IVD: variants seen among roughly 807,000 people sequenced by gnomAD.
IVD encodes the protein isovaleryl-CoA dehydrogenase.
A neutral mutation model predicts 51.3 loss-of-function variants in IVD; 31 were observed. That is an observed-to-expected ratio of 0.60 (90% confidence interval 0.45 to 0.81). The LOEUF (loss-of-function observed/expected upper bound fraction) is 0.81. IVD is among the 40% of genes least tolerant of loss of function. IVD has a pLI of 0.00. For synonymous variants in IVD, 205 were observed against 219.4 expected, an observed-to-expected ratio of 0.93 and a Z score of 0.58; for missense variants, 475 against 552.0, an observed-to-expected ratio of 0.86 and a Z score of 1.40.
At position 40,405,871 on chromosome 15, in the gene IVD, G is replaced by C. The variant is rs907414760; in HGVS notation, c.44G>C (p.Trp15Ser). The C allele has an allele frequency of 1.2e-6, 2 of 1,612,718 alleles. No individual in the cohort carries two copies. The highest frequency in any genetic ancestry group is 2.7e-5 in the African/African-American group (2 of 74,922). ...TRLLGWRVAS[W>S]RLRPPLAGFV... ...CTGCTGGGGTGGCGTGTGGCGAGCT[G>C]GAGGCTGCGGCCGCCGCTTGCCGGC... Residue 15 changes from tryptophan (W) to serine (S), a missense_variant, in exon 1 of 12, where the codon TGG becomes TCG. Physicochemically the swap from Trp to Ser is radical, Grantham distance 177. Transcript: ENST00000487418.
intron 1 of IVD, chr15:40,406,396 T>C: frequency 8.1e-7 from 1 of 1,230,626 alleles, no homozygotes; most frequent in Non-Finnish European, 1.1e-6. Flanking sequence ...CCAGGGAGTC[T>C]TTTTTGTATA....
At position 40,420,245 on chromosome 15, in the gene IVD, A is replaced by G. The variant is rs1272943862; in HGVS notation, c.*1982A>G. On this transcript the variant is annotated 3_prime_UTR_variant, in exon 12 of 12. Coordinates refer to ENST00000487418, the MANE Select transcript of IVD (RefSeq NM_002225.5). ...CTGAGCCCTTGTGCACCGCCCTGCC[A>G]CGGGCACCATCCAGTCCTGGCCGTG... 1 of 987,294 alleles carries G rather than the reference A, an allele frequency of 1.0e-6. No homozygotes were observed. Among genetic ancestry groups the G allele is most frequent in the Admixed American group, 6.1e-5 (1 of 16,278 alleles). 61.2% of individuals were successfully genotyped at this position (987,294 alleles called of 1,614,324 possible).
At chr15:40,416,261 G>T (rs773122913) in intron 10 of IVD, 29 bp from the exon 11 acceptor site, 4 of 1,613,572 alleles carry the variant, frequency 2.5e-6, no homozygotes, top group Admixed American at 3.3e-5. Context: ...GCCTCGCAGG[G>T]CCCTGCTGAC....
chr15:40,429,568 C>A (rs1252146092), intron 7 of IVD, among the ~76,000 whole-genome samples: 2 of 152,202 alleles, frequency 1.3e-5, no homozygotes, highest in Non-Finnish European at 2.9e-5. Flanking sequence ...TCAGTGGAGG[C>A]CCTCTCCCTC....
intron 1 of IVD, 39 bp downstream of exon 1, chr15:40,406,010 TTCCTGCCTGGTCCCCAAGGCCTCC>T: frequency 8.0e-7 from 1 of 1,244,322 alleles, no homozygotes; most frequent in Non-Finnish European, 1.1e-6. Context: ...CAAGGCCTCC[TTCCTGCCTGGTCCCCAAGGCCTCC>T]TTCCTGCCTG....
chr15:40,415,780 C>A (rs772006527), intron 9 of IVD, among the ~76,000 whole-genome samples: 3 of 152,214 alleles, frequency 2.0e-5, no homozygotes, highest in Non-Finnish European at 4.4e-5. Context: ...TGTAGTTAGA[C>A]CTTCTGGTCC....
At chr15:40,422,585 CTTTTTTTTTTTT>C (rs1157351420), downstream of IVD, among the ~76,000 whole-genome samples, 26 of 69,154 alleles carry the variant, frequency 3.8e-4, 1 homozygote, top group African/African-American at 5.8e-4. Flanking sequence ...GCCCGGCCGA[CTTTTTTTTTTTT>C]TTTTTTTTTT....
Position 40,435,415 on chromosome 15 carries a change from A to C in IVD, c.781-2A>C. Reference sequence around the variant, plus strand: ...GCTAAAAGAGGGCTCTCTTTCCCCTAGGGCAGACCTTTTCCGCCCAACACC... The same window carrying C: ...GCTAAAAGAGGGCTCTCTTTCCCCTCGGGCAGACCTTTTCCGCCCAACACC... On this transcript the variant is annotated splice_acceptor_variant, in intron 8 of 8. Transcript: ENST00000473112. LOFTEE classifies it high-confidence loss of function. 1.7e-6 allele frequency: 2 copies of C among 1,184,280 alleles called. No individual in the cohort carries two copies. The highest frequency in any genetic ancestry group is 2.2e-6 in the Non-Finnish European group (2 of 928,138). The allele number at this position is 1,184,280 out of a possible 1,614,324, so 73.4% of individuals were successfully genotyped here. A position where few individuals can be genotyped will look rare whatever the true frequency, so the allele number is the denominator to read the frequency against.
downstream of IVD, chr15:40,424,176 T>G (rs1467895635): frequency 7.8e-7 from 1 of 1,288,184 alleles, no homozygotes; most frequent in Admixed American, 2.3e-5. Context: ...ACCAGTGAAC[T>G]ATCAAGCTCC....
chr15:40,414,646 G>T, intron 7 of IVD: 1 of 509,002 alleles, frequency 2.0e-6, no homozygotes. Context: ...GGAAGGGAAA[G>T]ATCTAACAAC....
chr15:40,410,583 A>T, intron 3 of IVD, 45 bp from the exon 4 acceptor site: 1 of 1,609,304 alleles, frequency 6.2e-7, no homozygotes. Flanking sequence ...GTCCCGATTT[A>T]ATCTGGGCTG....
intron 8 of IVD, 88 bp from the exon 9 acceptor site, chr15:40,415,313 G>A: frequency 8.6e-7 from 1 of 1,168,324 alleles, no homozygotes; most frequent in Non-Finnish European, 1.3e-6. Context: ...TCCTCCCTGG[G>A]ATTCTGGCCT....
intron 7 of IVD, among the ~76,000 whole-genome samples, chr15:40,429,592 G>T (rs1349046312): frequency 6.6e-6 from 1 of 152,186 alleles, no homozygotes; most frequent in Admixed American, 6.5e-5. Flanking sequence ...ATAAATACTT[G>T]CATAATGAAT....
At chr15:40,413,647 T>C (rs1414134338) in intron 7 of IVD, among the ~76,000 whole-genome samples, 1 of 150,000 alleles carries the variant, frequency 6.7e-6, no homozygotes, top group Admixed American at 6.7e-5. Flanking sequence ...ACCAGGGGCA[T>C]GGATTTGTTG....
chr15:40,418,355 C>A lies in IVD; in HGVS notation c.*92C>A. On this transcript the variant is annotated 3_prime_UTR_variant, in exon 12 of 12. Coordinates refer to ENST00000487418, the MANE Select transcript of IVD (RefSeq NM_002225.5). ...CTTTCCCACCCTGCCCACAGCAGGC[C>A]CTCCTGCCCAGCTGCTCTTGTCAGC... 1 of 1,601,426 alleles carries A rather than the reference C, an allele frequency of 6.2e-7. No individual in the cohort carries two copies. The highest frequency in any genetic ancestry group is 8.5e-7 in the Non-Finnish European group (1 of 1,176,918).
chr15:40,430,325 T>C lies in IVD; in HGVS notation c.720-3529T>C, dbSNP rs1359975994. On this transcript the variant is annotated intron_variant, in intron 7 of 8. Transcript: ENST00000473112. Reference sequence around the variant, plus strand: ...CTAGCCTAGCCGGGGAGGCAGATCTTAGCCAGGAATCACCGGCTTGCCAGG... The same window carrying C: ...CTAGCCTAGCCGGGGAGGCAGATCTCAGCCAGGAATCACCGGCTTGCCAGG... 3.3e-5 allele frequency among the ~76,000 whole-genome samples: 5 copies of C among 152,196 alleles called. No homozygotes were observed. In the East Asian group the frequency reaches 9.6e-4, roughly 29 times the overall value.
At chr15:40,432,511 G>A (rs1477515483) in intron 7 of IVD, among the ~76,000 whole-genome samples, 1 of 152,240 alleles carries the variant, frequency 6.6e-6, no homozygotes, top group Non-Finnish European at 1.5e-5. Context: ...GGTGTCTGCT[G>A]GAAAGGGCTG....
downstream of IVD, among the ~76,000 whole-genome samples, chr15:40,421,540 G>GT (rs1180633380): frequency 6.6e-6 from 1 of 152,186 alleles, no homozygotes; most frequent in African/African-American, 2.4e-5. Flanking sequence ...ACCTTGGGAT[G>GT]TTTTTTAAGC....
chr15:40,425,902 C>T (rs547252615), downstream of IVD, among the ~76,000 whole-genome samples: 12 of 151,840 alleles, frequency 7.9e-5, no homozygotes, highest in African/African-American at 2.4e-4. Flanking sequence ...CTTGACCTCC[C>T]GGGCTCAAGT....
Sources: allele counts gnomAD v4.1 joint callset (sites outside exome capture counted in the v4.1 genomes callset), GRCh38; gene constraint gnomAD v4.1.1; transcripts MANE v1.5; gene names NCBI Gene and HGNC (gene_info 2026-07-23, HGNC 2026-07-21).